DELE1: variants seen among roughly 807,000 people sequenced by gnomAD.
DELE1 encodes death ligand signal enhancer.
A neutral mutation model predicts 59.3 loss-of-function variants in DELE1; 54 were observed. That is an observed-to-expected ratio of 0.91 (90% CI 0.73 to 1.14). The LOEUF (loss-of-function observed/expected upper bound fraction) is 1.14, where lower values mean the gene tolerates loss of function less well. Among genes scored for constraint, DELE1 ranks in the 50% most tolerant of loss-of-function variants. The pLI is 0.00. For missense variants in DELE1, 636 were observed against 643.9 expected, an observed-to-expected ratio of 0.99 and a Z score of 0.13; for synonymous variants, 264 against 259.1, an observed-to-expected ratio of 1.02 and a Z score of -0.18.
chr5:141,938,404 C>T (rs993361122), intron 11 of DELE1, 117 bp from the exon 12 acceptor site: 34 of 1,469,686 alleles, frequency 2.3e-5, no homozygotes, highest in Non-Finnish European at 1.9e-5. Context: ...TCATGAGTCA[C>T]TGGGGTTGGG....
Position 141,940,249 on chromosome 5 carries a change from C to T in DELE1, c.*1490C>T. The T allele has an allele frequency of 1.0e-6, 1 of 985,364 alleles. No individual in the cohort carries two copies. The highest frequency in any genetic ancestry group is 1.2e-6 in the Non-Finnish European group (1 of 829,932). The allele number at this position is 985,364 out of a possible 1,614,324, so 61.0% of individuals were successfully genotyped here. A position where few individuals can be genotyped will look rare whatever the true frequency, so the allele number is the denominator to read the frequency against. ...TCCTCATCTCTAAACTCTCCACTAA[C>T]CAATTTAAAGGATCTTAAAAGCTTC... On this transcript the variant is annotated 3_prime_UTR_variant, in exon 12 of 12. Coordinates refer to ENST00000432126, the MANE Select transcript of DELE1 (RefSeq NM_014773.5).
intron 4 of DELE1, 52 bp downstream of exon 4, chr5:141,928,350 C>A: frequency 6.3e-7 from 1 of 1,578,246 alleles, no homozygotes; most frequent in Non-Finnish European, 8.6e-7. Context: ...TTTCTCTGGG[C>A]CAGGAAGCGT....
At chr5:141,928,472 C>T (rs58488937) in intron 4 of DELE1, among the ~76,000 whole-genome samples, 174 bp downstream of exon 4, 9,182 of 152,288 alleles carry the variant, frequency 0.06, 921 homozygotes, top group African/African-American at 0.21. Flanking sequence ...TGGGCCACAC[C>T]TGCCCCTCAG....
At position 141,940,772 on chromosome 5, in the gene DELE1, C is replaced by T. The variant is rs1349167258; in HGVS notation, c.*2013C>T. 1.0e-6 allele frequency: 1 copy of T among 981,620 alleles called. No individual in the cohort carries two copies. Among genetic ancestry groups the T allele is most frequent in the African/African-American group, 1.7e-5 (1 of 57,238 alleles). 60.8% of individuals were successfully genotyped at this position (981,620 alleles called of 1,614,324 possible). ...CCTTGTCTTTGTATTCCAGTGTCCC[C>T]AGCACTGAGTGCAAGGCCCCATGCA... On this transcript the variant is annotated 3_prime_UTR_variant, in exon 12 of 12. Coordinates refer to ENST00000432126, the MANE Select transcript of DELE1 (RefSeq NM_014773.5).
In DELE1 at chr5:141,940,027, G is replaced by T. The variant is rs185177989; in HGVS notation, c.*1268G>T. The T allele has an allele frequency of 8.2e-5, 81 of 985,408 alleles. No homozygotes were observed. In the African/African-American group the frequency reaches 1.3e-3, roughly 16 times the overall value. 61.0% of individuals were successfully genotyped at this position (985,408 alleles called of 1,614,324 possible). A position where few individuals can be genotyped will look rare whatever the true frequency, so the allele number is the denominator to read the frequency against. On this transcript the variant is annotated 3_prime_UTR_variant, in exon 12 of 12. Transcript: ENST00000432126. ...AGCATTATGACTGTCCTACCCATGGGAGAGTAAATGTAGATTGAATGCTAG... is the reference window on the plus strand; with the variant it reads ...AGCATTATGACTGTCCTACCCATGGTAGAGTAAATGTAGATTGAATGCTAG...
chr5:141,937,770 CA>C (rs1172381549), intron 11 of DELE1, among the ~76,000 whole-genome samples: 31,997 of 61,296 alleles, frequency 0.52, 6,636 homozygotes, highest in East Asian at 0.78. Flanking sequence ...GATTCTGTTT[CA>C]AAAAAAAAAA....
chr5:141,934,660 G>C, intron 10 of DELE1, 74 bp downstream of exon 10: 1 of 1,373,634 alleles, frequency 7.3e-7, no homozygotes, highest in Non-Finnish European at 1.0e-6. Flanking sequence ...CTGGTACTGA[G>C]TTCTTCTGTG....
chr5:141,932,620 A>G (rs773450754), intron 7 of DELE1, among the ~76,000 whole-genome samples: 2 of 152,196 alleles, frequency 1.3e-5, no homozygotes, highest in African/African-American at 2.4e-5. Flanking sequence ...CAAGGTTCAG[A>G]TTCCTGAGAA....
intron 7 of DELE1, 148 bp downstream of exon 7, chr5:141,930,422 C>T: frequency 1.6e-6 from 1 of 630,762 alleles, no homozygotes. Flanking sequence ...ATGGCAGGGA[C>T]CCATTCTTAT....
rs1752775032 is a variant in DELE1, at chr5:141,942,047, A to G, written c.*3288A>G. 1.0e-6 allele frequency: 1 copy of G among 985,422 alleles called. No individual in the cohort carries two copies. Among genetic ancestry groups the G allele is most frequent in the South Asian group, 4.7e-5 (1 of 21,294 alleles). 61.0% of individuals were successfully genotyped at this position (985,422 alleles called of 1,614,324 possible). A position where few individuals can be genotyped will look rare whatever the true frequency, so the allele number is the denominator to read the frequency against. On this transcript the variant is annotated 3_prime_UTR_variant, in exon 12 of 12. Transcript: ENST00000432126. ...TCAATAAACACAAAATGTTTGTTGC[A>G]TGAGTGTTTCTGATCATGTCCTACT...
intron 7 of DELE1, among the ~76,000 whole-genome samples, chr5:141,931,840 GTC>G (rs982592278): frequency 1.3e-5 from 2 of 152,212 alleles, no homozygotes; most frequent in African/African-American, 2.4e-5. Flanking sequence ...TGGGCAAAGA[GTC>G]TCTTCTCAGA....
chr5:141,930,871 CTATT>C (rs1414737371), intron 7 of DELE1, among the ~76,000 whole-genome samples: 1 of 152,118 alleles, frequency 6.6e-6, no homozygotes, highest in Non-Finnish European at 1.5e-5. Context: ...CCCACAGCAT[CTATT>C]GGGGTCTAGT....
In DELE1 at chr5:141,928,162, C is replaced by T. The variant is rs147679393; in HGVS notation, c.276C>T (p.Ala92=). ...LWDAISWGTL[A]VLALQLARQI... ...GCTGTCTTTCCCAGGGCACTCTGGC[C>T]GTGCTGGCCCTGCAGCTGGCAAGGC... The change falls in exon 4 of 12, where the codon GCC becomes GCT. Residue 92 remains alanine, a synonymous_variant. Coordinates refer to ENST00000432126, the MANE Select transcript of DELE1 (RefSeq NM_014773.5). 30 of 1,613,638 alleles carry T rather than the reference C, an allele frequency of 1.9e-5. No individual in the cohort carries two copies. Among genetic ancestry groups the T allele is most frequent in the Non-Finnish European group, 2.5e-5 (29 of 1,179,690 alleles).
rs1596581676 is a variant in DELE1, at chr5:141,923,981, C to A, written c.31+9C>A. ...GGGACTCCTGGGCCGAGGTAAGGGA[C>A]GTCCAAGCAACCAGCGTCACTCTGG... On this transcript the variant is annotated intron_variant, in intron 1 of 11. Coordinates refer to ENST00000432126, the MANE Select transcript of DELE1 (RefSeq NM_014773.5). 1 of 1,609,274 alleles carries A rather than the reference C, an allele frequency of 6.2e-7. No homozygotes were observed. Among genetic ancestry groups the A allele is most frequent in the Non-Finnish European group, 8.5e-7 (1 of 1,178,004 alleles).
rs148433745 is a variant in DELE1 at position 141,940,527 on chromosome 5, G to A, written c.*1768G>A. 23 of 985,400 alleles carry A rather than the reference G, an allele frequency of 2.3e-5. No homozygotes were observed. The South Asian group carries it at 5.6e-4, about 24-fold the overall frequency. 61.0% of individuals were successfully genotyped at this position (985,400 alleles called of 1,614,324 possible). A position where few individuals can be genotyped will look rare whatever the true frequency, so the allele number is the denominator to read the frequency against. ...GATTTGAGGGGGGAAAGTTGTCCAC[G>A]TTTCCCTCTCTGCTTCCCACCCCAT... is the stretch of plus-strand genomic sequence containing the variant. On this transcript the variant is annotated 3_prime_UTR_variant, in exon 12 of 12. Transcript: ENST00000432126.
chr5:141,928,048 T>C (rs1751561601), intron 3 of DELE1, 103 bp from the exon 4 acceptor site: 1 of 1,342,766 alleles, frequency 7.4e-7, no homozygotes, highest in African/African-American at 1.5e-5. Flanking sequence ...GTCGGGGAGC[T>C]GCCCCACCTG....
chr5:141,925,464 G>A lies in DELE1; in HGVS notation c.201G>A (p.Lys67=). The A allele has an allele frequency of 6.2e-7, 1 of 1,604,442 alleles. No individual in the cohort carries two copies. Among genetic ancestry groups the A allele is most frequent in the Non-Finnish European group, 8.5e-7 (1 of 1,175,706 alleles). ...TSGGPRSHGW[K]DAFQWMSSRV... ...GGGGTCCAAGGTCCCATGGATGGAA[G>A]GATGCCTTCCAATGGATGTCTTCCC... Residue 67 remains lysine, a synonymous_variant, in exon 3 of 12, where the codon AAG becomes AAA. Transcript: ENST00000432126.
Position 141,940,458 on chromosome 5 carries a change from G to A in DELE1, c.*1699G>A. On this transcript the variant is annotated 3_prime_UTR_variant, in exon 12 of 12. Transcript: ENST00000432126. Reference sequence around the variant, plus strand: ...CACCGCCCACCCCCCACAATCCCATGACTGAGTGGAGACCAACCAGCCTGG... The same window carrying A: ...CACCGCCCACCCCCCACAATCCCATAACTGAGTGGAGACCAACCAGCCTGG... The A allele has an allele frequency of 1.0e-6, 1 of 985,354 alleles. No homozygotes were observed. The highest frequency in any genetic ancestry group is 1.2e-6 in the Non-Finnish European group (1 of 830,002). The allele number at this position is 985,354 out of a possible 1,614,324, so 61.0% of individuals were successfully genotyped here. A position where few individuals can be genotyped will look rare whatever the true frequency, so the allele number is the denominator to read the frequency against.
At chr5:141,937,150 C>T (rs772845441) in intron 10 of DELE1, 48 bp from the exon 11 acceptor site, 1 of 1,607,790 alleles carries the variant, frequency 6.2e-7, no homozygotes, top group East Asian at 2.2e-5. Flanking sequence ...ATGTCAGTTC[C>T]TCATTCCTGC....
Sources: allele counts gnomAD v4.1 joint callset (sites outside exome capture counted in the v4.1 genomes callset), GRCh38; gene constraint gnomAD v4.1.1; transcripts MANE v1.5; gene names NCBI Gene and HGNC (gene_info 2026-07-23, HGNC 2026-07-21).